Variants in RAD51B observed in about 807,000 individuals in gnomAD.
RAD51B encodes the protein RAD51 paralog B.
Under a neutral mutation model 42.2 loss-of-function variants are expected in RAD51B, and 38 were observed. The observed-to-expected ratio is 0.90, with a 90% CI of 0.70 to 1.18. RAD51B has a LOEUF of 1.18. Among genes scored for constraint, RAD51B ranks in the 50% most tolerant of loss-of-function variants. The probability of loss-of-function intolerance (pLI) is 0.00; values close to 1 mark genes in which losing one functional copy is unlikely to be tolerated. For missense variants in RAD51B, 373 were observed against 400.7 expected, an observed-to-expected ratio of 0.93 and a Z score of 0.59; for synonymous variants, 154 against 145.2, an observed-to-expected ratio of 1.06 and a Z score of -0.43.
chr14:68,563,509 T>C, intron 10 of RAD51B: 1 of 985,488 alleles, frequency 1.0e-6, no homozygotes, highest in Non-Finnish European at 1.2e-6. Context: ...GAAAACATTC[T>C]TCCATAAGTA....
At chr14:67,984,219 G>A (rs904683658) in intron 7 of RAD51B, among the ~76,000 whole-genome samples, 2 of 152,118 alleles carry the variant, frequency 1.3e-5, no homozygotes, top group African/African-American at 4.8e-5. Context: ...TTACAGGTGT[G>A]AGCCACCATG....
At chr14:68,415,311 A>G (rs2084529203) in intron 9 of RAD51B, among the ~76,000 whole-genome samples, 1 of 152,182 alleles carries the variant, frequency 6.6e-6, no homozygotes, top group Non-Finnish European at 1.5e-5. Context: ...CTGCAGCTGA[A>G]GAACAAACAG....
chr14:68,196,190 CAAAA>C (rs538516792), intron 7 of RAD51B, among the ~76,000 whole-genome samples: 121 of 112,252 alleles, frequency 1.1e-3, no homozygotes, highest in African/African-American at 4.1e-3. Flanking sequence ...GACTCCATCT[CAAAA>C]AAAAAAAAAA....
chr14:68,197,316 G>A (rs1461585418), intron 7 of RAD51B, among the ~76,000 whole-genome samples: 1 of 151,990 alleles, frequency 6.6e-6, no homozygotes, highest in African/African-American at 2.4e-5. Flanking sequence ...TCTTTCAGAC[G>A]GCCTTTCTTT....
At chr14:67,956,533 T>C (rs550515710) in intron 7 of RAD51B, among the ~76,000 whole-genome samples, 1 of 152,312 alleles carries the variant, frequency 6.6e-6, no homozygotes, top group South Asian at 2.1e-4. Context: ...GTTATGTGTC[T>C]ACTATCTATA....
At chr14:68,611,049 G>C (rs1891661996) in exon 11 of RAD51B, 1 of 703,158 alleles carries the variant, frequency 1.4e-6, no homozygotes, top group African/African-American at 1.7e-5. Context: ...CAGAATGCTG[G>C]TCAGCAGCAG....
chr14:68,562,246 C>G lies in RAD51B; in HGVS notation c.1037-32239C>G, dbSNP rs930347891. On this transcript the variant is annotated intron_variant, in intron 10 of 10. Transcript: ENST00000487270. ...GCCCTTCCAGTGATACTGAAAGAAC[C>G]ACTCAACAGGTGGGGGCCAGATCTT... 4 of 985,300 alleles carry G rather than the reference C, an allele frequency of 4.1e-6. No individual in the cohort carries two copies. In the African/African-American group the frequency reaches 7.0e-5, roughly 17 times the overall value. 61.0% of individuals were successfully genotyped at this position (985,300 alleles called of 1,614,324 possible). A position where few individuals can be genotyped will look rare whatever the true frequency, so the allele number is the denominator to read the frequency against.
At chr14:68,664,699 C>G (rs10150973) in intron 11 of RAD51B, among the ~76,000 whole-genome samples, 12,557 of 152,204 alleles carry the variant, frequency 0.083, 604 homozygotes, top group Middle Eastern at 0.13. Context: ...ACATTGGGTT[C>G]ATATGTGCTT....
intron 8 of RAD51B, among the ~76,000 whole-genome samples, chr14:68,407,264 T>C (rs1214003557): frequency 6.6e-6 from 1 of 152,150 alleles, no homozygotes; most frequent in Non-Finnish European, 1.5e-5. Context: ...AGTAACTACA[T>C]AACTGGTTTT....
intron 10 of RAD51B, among the ~76,000 whole-genome samples, chr14:68,511,902 A>G (rs888789958): frequency 2.0e-5 from 3 of 152,162 alleles, no homozygotes; most frequent in Non-Finnish European, 4.4e-5. Context: ...TCATTCATTC[A>G]TTCAGTTTTT....
intron 4 of RAD51B, among the ~76,000 whole-genome samples, chr14:67,854,254 A>G (rs888932747): frequency 1.3e-5 from 2 of 152,166 alleles, no homozygotes; most frequent in Non-Finnish European, 2.9e-5. Context: ...TTCCTCCAAA[A>G]CAACTTTTAC....
intron 7 of RAD51B, among the ~76,000 whole-genome samples, chr14:67,922,463 T>C (rs1387517753): frequency 6.6e-6 from 1 of 152,094 alleles, no homozygotes; most frequent in Non-Finnish European, 1.5e-5. Flanking sequence ...TATTTTCTAA[T>C]GTTTAAAGAG....
chr14:68,030,652 C>T (rs941948793), intron 7 of RAD51B, among the ~76,000 whole-genome samples: 1 of 152,188 alleles, frequency 6.6e-6, no homozygotes, highest in Admixed American at 6.5e-5. Context: ...AGCAATACGG[C>T]TGTTTCACTT....
At chr14:67,849,036 G>T (rs755158190) in intron 4 of RAD51B, among the ~76,000 whole-genome samples, 1 of 152,030 alleles carries the variant, frequency 6.6e-6, no homozygotes, top group Non-Finnish European at 1.5e-5. Context: ...CATTGACCTC[G>T]TTGAATGTCT....
intron 9 of RAD51B, among the ~76,000 whole-genome samples, chr14:68,431,288 C>G (rs2084997406): frequency 2.0e-5 from 3 of 152,176 alleles, no homozygotes; most frequent in African/African-American, 7.2e-5. Flanking sequence ...GGAGGATTCC[C>G]TCTTTTTCTA....
At chr14:68,155,253 G>A (rs111566960) in intron 7 of RAD51B, among the ~76,000 whole-genome samples, 10 of 151,090 alleles carry the variant, frequency 6.6e-5, no homozygotes, top group Non-Finnish European at 8.9e-5. Context: ...GTGCAGTGGC[G>A]TGATCTCAGC....
chr14:68,609,397 C>T (rs1489413318), intron 10 of RAD51B, among the ~76,000 whole-genome samples: 2 of 152,050 alleles, frequency 1.3e-5, no homozygotes, highest in Non-Finnish European at 2.9e-5. Context: ...CCTTACTGAG[C>T]AGGTCCAGGC....
chr14:68,308,734 G>A (rs1391151856), intron 8 of RAD51B, among the ~76,000 whole-genome samples: 2 of 141,382 alleles, frequency 1.4e-5, no homozygotes, highest in Non-Finnish European at 3.0e-5. Flanking sequence ...GGGCTGTTTG[G>A]GAATGAGATT....
At chr14:68,059,139 C>G (rs1237968147) in intron 7 of RAD51B, among the ~76,000 whole-genome samples, 1 of 152,102 alleles carries the variant, frequency 6.6e-6, no homozygotes, top group African/African-American at 2.4e-5. Flanking sequence ...TATGCGTGAT[C>G]CCAATTGGAT....
Sources: allele counts gnomAD v4.1 joint callset (sites outside exome capture counted in the v4.1 genomes callset), GRCh38; gene constraint gnomAD v4.1.1; transcripts MANE v1.5; gene names NCBI Gene and HGNC (gene_info 2026-07-23, HGNC 2026-07-21).